The following OTOP1 variants were observed in gnomAD, a reference collection of about 807,000 sequenced individuals.
OTOP1 encodes the protein proton channel OTOP1.
Under a neutral mutation model 52.9 loss-of-function variants are expected in OTOP1, and 59 were observed. The ratio of observed to expected loss-of-function variants is 1.12; its 90% CI spans 0.91 to 1.39. OTOP1 has a LOEUF of 1.39. Among genes scored for constraint, OTOP1 ranks in the 40% most tolerant of loss-of-function variants. The pLI, the probability that OTOP1 is intolerant of heterozygous loss-of-function variation, is 0.00. For synonymous variants in OTOP1, 317 were observed against 337.7 expected, an observed-to-expected ratio of 0.94 and a Z score of 0.67; for missense variants, 761 against 800.9, an observed-to-expected ratio of 0.95 and a Z score of 0.60.
chr4:4,217,666 G>A (rs1334434259), intron 1 of OTOP1, among the ~76,000 whole-genome samples: 1 of 152,194 alleles, frequency 6.6e-6, no homozygotes, highest in African/African-American at 2.4e-5. Context: ...AGAATGTCAG[G>A]AAGTGCTAAG....
chr4:4,204,911 C>T (rs967243291), intron 3 of OTOP1, among the ~76,000 whole-genome samples: 1 of 152,080 alleles, frequency 6.6e-6, no homozygotes, highest in African/African-American at 2.4e-5. Flanking sequence ...GCTGGGACTA[C>T]AGGCGCCCAC....
At chr4:4,223,420 T>C (rs1476451354) in intron 1 of OTOP1, among the ~76,000 whole-genome samples, 1 of 149,226 alleles carries the variant, frequency 6.7e-6, no homozygotes, top group Non-Finnish European at 1.5e-5. Flanking sequence ...GATGGATGGA[T>C]GGATGGATGG....
At chr4:4,200,013 CTT>C (rs1242794574) in intron 4 of OTOP1, among the ~76,000 whole-genome samples, 1 of 152,136 alleles carries the variant, frequency 6.6e-6, no homozygotes, top group Non-Finnish European at 1.5e-5. Context: ...AAATCTGTCT[CTT>C]GTCGAAGGTT....
chr4:4,210,546 C>T (rs898817633), intron 2 of OTOP1, among the ~76,000 whole-genome samples: 5 of 152,138 alleles, frequency 3.3e-5, no homozygotes, highest in African/African-American at 9.7e-5. Context: ...ATAAAGACAC[C>T]AGGGCCAGAC....
intron 3 of OTOP1, among the ~76,000 whole-genome samples, chr4:4,205,241 T>C (rs762563493): frequency 8.5e-5 from 13 of 152,148 alleles, no homozygotes; most frequent in Non-Finnish European, 1.5e-4. Context: ...TTTACATCAA[T>C]TCCTTCCTTC....
At chr4:4,226,292 G>C (rs1203443076) in intron 1 of OTOP1, among the ~76,000 whole-genome samples, 170 bp downstream of exon 1, 1 of 79,130 alleles carries the variant, frequency 1.3e-5, no homozygotes, top group Non-Finnish European at 2.3e-5. Flanking sequence ...GCTTCAGAGA[G>C]AGAGAGAGGA....
chr4:4,222,204 CT>C (rs1328617298), intron 1 of OTOP1, among the ~76,000 whole-genome samples: 1 of 152,024 alleles, frequency 6.6e-6, no homozygotes, highest in Non-Finnish European at 1.5e-5. Flanking sequence ...ATACAATCTC[CT>C]GCTTGATTAG....
Position 4,188,868 on chromosome 4 carries a change from G to A in OTOP1, c.1774C>T (p.Pro592Ser). 2 of 1,613,882 alleles carry A rather than the reference G, an allele frequency of 1.2e-6. No homozygotes were observed. The highest frequency in any genetic ancestry group is 8.5e-7 in the Non-Finnish European group (1 of 1,179,826). Reference protein sequence around the residue: ...PWIIVVNLAMPFSIFYRMHAA... With the variant: ...PWIIVVNLAMSFSIFYRMHAA... Reference sequence around the variant, plus strand: ...TGCATTCGATAGAAAATAGAAAAAGGCATGGCCAGGTTGACCACAATTATC... The same window carrying A: ...TGCATTCGATAGAAAATAGAAAAAGACATGGCCAGGTTGACCACAATTATC... The change falls in exon 6 of 6, where the codon CCT becomes TCT. Residue 592 changes from proline (P) to serine (S), a missense_variant. Physicochemically the swap from Pro to Ser is moderately conservative, Grantham distance 74. This residue lies in a region of OTOP1 where 632 missense variants were observed against 619.5 expected (regional missense o/e 1.02). Transcript: ENST00000296358.
chr4:4,208,985 A>C (rs1303183961), intron 2 of OTOP1, among the ~76,000 whole-genome samples: 1 of 152,214 alleles, frequency 6.6e-6, no homozygotes, highest in East Asian at 1.9e-4. Flanking sequence ...TAGAGGCTCA[A>C]AGCCAGAGTT....
chr4:4,203,181 G>T (rs1716826362), intron 3 of OTOP1, among the ~76,000 whole-genome samples: 1 of 152,270 alleles, frequency 6.6e-6, no homozygotes, highest in Non-Finnish European at 1.5e-5. Context: ...CCTGACAAAA[G>T]AAACAAGAAT....
At chr4:4,218,976 A>T (rs1244679150) in intron 1 of OTOP1, among the ~76,000 whole-genome samples, 1 of 152,114 alleles carries the variant, frequency 6.6e-6, no homozygotes, top group East Asian at 1.9e-4. Context: ...AGAGTGAGGG[A>T]AGAAAAAAAT....
chr4:4,226,410 G>A, intron 1 of OTOP1, 52 bp downstream of exon 1: 1 of 1,377,982 alleles, frequency 7.3e-7, no homozygotes, highest in Middle Eastern at 2.2e-4. Flanking sequence ...GCCTCAGGAT[G>A]CAGCCAGCGG....
intron 1 of OTOP1, among the ~76,000 whole-genome samples, chr4:4,222,879 C>T (rs1717331368): frequency 6.6e-6 from 1 of 152,206 alleles, no homozygotes; most frequent in African/African-American, 2.4e-5. Context: ...TAATTAGCTT[C>T]TTGCTTCTTT....
At position 4,200,723 on chromosome 4, in the gene OTOP1, CT is replaced by C. The variant is rs55863617; in HGVS notation, c.730+1724del. On this transcript the variant is annotated intron_variant, in intron 4 of 5. Coordinates refer to ENST00000296358, the MANE Select transcript of OTOP1 (RefSeq NM_177998.3). Reference sequence around the variant, plus strand: ...CACAAGCCCATGCCAGCATGCCTGCCTTTTTTTTTTTTTTTTCAGAGCTGGG... The same window carrying C: ...CACAAGCCCATGCCAGCATGCCTGCCTTTTTTTTTTTTTTTCAGAGCTGGG... Among the ~76,000 whole-genome samples the C allele has an allele frequency of 9.8e-4, 104 of 106,502 alleles. 1 individual carries two copies. The highest frequency in any genetic ancestry group is 1.9e-3 in the African/African-American group (50 of 26,710). The allele number at this position is 106,502 out of a possible 152,430, so 69.9% of individuals were successfully genotyped here. A position where few individuals can be genotyped will look rare whatever the true frequency, so the allele number is the denominator to read the frequency against.
At chr4:4,193,809 G>A (rs73792844) in intron 5 of OTOP1, among the ~76,000 whole-genome samples, 1 of 152,238 alleles carries the variant, frequency 6.6e-6, no homozygotes, top group South Asian at 2.1e-4. Context: ...CTTCAAGTGG[G>A]TCCAAAAATT....
intron 2 of OTOP1, among the ~76,000 whole-genome samples, chr4:4,210,881 C>A (rs1312234188): frequency 6.6e-6 from 1 of 152,120 alleles, no homozygotes; most frequent in East Asian, 1.9e-4. Context: ...GCCACCCTAA[C>A]GATCTTATTT....
chr4:4,207,424 G>C (rs1716930043), intron 2 of OTOP1, among the ~76,000 whole-genome samples: 1 of 152,146 alleles, frequency 6.6e-6, no homozygotes, highest in Non-Finnish European at 1.5e-5. Flanking sequence ...ACAAGGAATG[G>C]AGGAAATACA....
intron 1 of OTOP1, among the ~76,000 whole-genome samples, chr4:4,215,852 G>A (rs1308892202): frequency 6.6e-6 from 1 of 152,034 alleles, no homozygotes; most frequent in East Asian, 1.9e-4. Context: ...GGAGTGCAGT[G>A]GCACGATCTT....
intron 5 of OTOP1, among the ~76,000 whole-genome samples, chr4:4,193,354 C>A (rs1716554221): frequency 6.6e-6 from 1 of 152,236 alleles, no homozygotes; most frequent in Non-Finnish European, 1.5e-5. Context: ...CCCATCACCA[C>A]ACCCACCGTC....
Sources: gnomAD v4.1 joint callset for allele counts (sites outside exome capture counted in the v4.1 genomes callset) on GRCh38, gnomAD v4.1.1 for gene constraint, gnomAD v4.1.1 regional missense constraint, MANE v1.5 for transcripts, NCBI Gene and HGNC (gene_info 2026-07-23, HGNC 2026-07-21) for gene names.